Variants in GRIN2B observed in about 807,000 individuals in gnomAD.
The protein encoded by GRIN2B is glutamate receptor ionotropic, NMDA 2B.
GRIN2B carries 5 observed loss-of-function variants against 114.5 expected under a neutral mutation model. That is an observed-to-expected ratio of 0.04 (90% CI 0.02 to 0.09). The LOEUF (loss-of-function observed/expected upper bound fraction) is 0.09. Ranked by LOEUF, GRIN2B falls within the 10% of genes least tolerant of loss-of-function variation. The pLI is 1.00. For synonymous variants in GRIN2B, 787 were observed against 745.1 expected, an observed-to-expected ratio of 1.06 and a Z score of -0.92; for missense variants, 1,108 against 1,943.5, an observed-to-expected ratio of 0.57 and a Z score of 8.08.
intron 2 of GRIN2B, among the ~76,000 whole-genome samples, chr12:13,967,079 A>C (rs1393040231): frequency 6.6e-6 from 1 of 152,224 alleles, no homozygotes; most frequent in Non-Finnish European, 1.5e-5. Context: ...ACAAGTGCTG[A>C]AAATACAACT....
chr12:13,667,913 A>T (rs541128387), intron 5 of GRIN2B, among the ~76,000 whole-genome samples: 37 of 152,318 alleles, frequency 2.4e-4, no homozygotes, highest in African/African-American at 8.9e-4. Flanking sequence ...TAAGAAAATC[A>T]TAAATGTTGT....
rs199515698 is a variant in GRIN2B at position 13,562,054 on chromosome 12, C to T, written c.*729G>A. The stretch of plus-strand genomic sequence containing the variant: ...GCAAGTGTGCATGAACACACATGCA[C>T]GCACAATCCACCTGCTCTTGTCCCC... On this transcript the variant is annotated 3_prime_UTR_variant, in exon 14 of 14. Coordinates refer to ENST00000609686, the MANE Select transcript of GRIN2B (RefSeq NM_000834.5). The T allele has an allele frequency of 8.5e-5, 13 of 152,912 alleles. No individual in the cohort carries two copies. The highest frequency in any genetic ancestry group is 2.1e-4 in the South Asian group (1 of 4,826). 9.5% of individuals were successfully genotyped at this position (152,912 alleles called of 1,614,324 possible).
chr12:13,906,789 T>C (rs1866542627), intron 2 of GRIN2B, among the ~76,000 whole-genome samples: 1 of 152,222 alleles, frequency 6.6e-6, no homozygotes, highest in African/African-American at 2.4e-5. Flanking sequence ...CATTAATGAA[T>C]AGGATTAATT....
chr12:13,634,528 A>T (rs1949649055), intron 5 of GRIN2B, among the ~76,000 whole-genome samples: 1 of 152,146 alleles, frequency 6.6e-6, no homozygotes, highest in Non-Finnish European at 1.5e-5. Context: ...GCGAGAGACA[A>T]AAGGAGCGTA....
chr12:13,586,549 C>G (rs546587615), intron 10 of GRIN2B, among the ~76,000 whole-genome samples: 2 of 152,150 alleles, frequency 1.3e-5, no homozygotes, highest in Non-Finnish European at 2.9e-5. Flanking sequence ...CTGTCTCACA[C>G]AGGAGCCGAG....
At chr12:13,583,116 T>C (rs1948874315) in intron 10 of GRIN2B, among the ~76,000 whole-genome samples, 1 of 152,188 alleles carries the variant, frequency 6.6e-6, no homozygotes, top group Non-Finnish European at 1.5e-5. Context: ...GTCTTGTGTC[T>C]GGCCATAAAA....
intron 10 of GRIN2B, among the ~76,000 whole-genome samples, chr12:13,576,238 G>GAAGA (rs1431050923): frequency 6.6e-6 from 1 of 152,192 alleles, no homozygotes; most frequent in African/African-American, 2.4e-5. Context: ...GGCCCGTGGG[G>GAAGA]AAGAAGGAAA....
intron 3 of GRIN2B, among the ~76,000 whole-genome samples, chr12:13,835,739 A>G (rs1364030806): frequency 6.7e-6 from 1 of 148,750 alleles, no homozygotes; most frequent in African/African-American, 2.5e-5. Context: ...AAAGAGGCAC[A>G]GGAGTTGTAT....
chr12:13,950,304 C>A lies in GRIN2B; in HGVS notation c.-19+29624G>T, dbSNP rs540999332. Among the ~76,000 whole-genome samples the A allele has an allele frequency of 5.1e-4, 77 of 152,304 alleles. No individual in the cohort carries two copies. In the South Asian group the frequency reaches 0.015, roughly 30 times the overall value. On this transcript the variant is annotated intron_variant, in intron 2 of 13. Transcript: ENST00000609686. ...GTGTTTACTGAGACCCCAGCCCAGG[C>A]TCAGCCCCAAAGGACTGTAGCATTG...
In GRIN2B at chr12:13,553,659, G is replaced by A. The variant is rs1565447599; in HGVS notation, c.*9124C>T. The A allele has an allele frequency of 1.3e-5, 2 of 152,140 alleles. No homozygotes were observed. The highest frequency in any genetic ancestry group is 2.4e-5 in the African/African-American group (1 of 41,420). The allele number at this position is 152,140 out of a possible 1,614,324, so 9.4% of individuals were successfully genotyped here. ...GCCAGAACTGTGACAAGGTTCTTTT[G>A]GTGCTGAAAGTGTTAAAAAAGAAGC... On this transcript the variant is annotated 3_prime_UTR_variant, in exon 14 of 14. Transcript: ENST00000609686.
intron 4 of GRIN2B, among the ~76,000 whole-genome samples, chr12:13,720,153 A>C (rs1049375113): frequency 6.6e-6 from 1 of 152,002 alleles, no homozygotes; most frequent in Non-Finnish European, 1.5e-5. Context: ...CTAATTAAAA[A>C]ATAAGCTTCT....
chr12:13,778,202 T>C (rs1339509463), intron 3 of GRIN2B, among the ~76,000 whole-genome samples: 1 of 152,240 alleles, frequency 6.6e-6, no homozygotes, highest in Non-Finnish European at 1.5e-5. Context: ...CTTATTTTTA[T>C]CTTATTCATG....
chr12:13,739,369 C>T (rs1300214094), intron 4 of GRIN2B, among the ~76,000 whole-genome samples: 33 of 92,892 alleles, frequency 3.6e-4, no homozygotes, highest in South Asian at 8.2e-4. Context: ...AGTGAAACTC[C>T]GTCTCAAAAA....
chr12:13,929,902 T>A (rs917058427), intron 2 of GRIN2B, among the ~76,000 whole-genome samples: 1 of 152,164 alleles, frequency 6.6e-6, no homozygotes, highest in Non-Finnish European at 1.5e-5. Context: ...TAAATAATTA[T>A]TGGCTGGGCG....
chr12:13,846,653 A>T (rs140240925), intron 3 of GRIN2B, among the ~76,000 whole-genome samples: 37 of 152,366 alleles, frequency 2.4e-4, no homozygotes, highest in African/African-American at 8.2e-4. Context: ...TTATAAATAA[A>T]TAAGAATTGC....
In GRIN2B at chr12:13,768,958, C is replaced by T. The variant is rs537289003; in HGVS notation, c.412-15043G>A. ...CTGAGGCAGGAGAATGGTGTGAACC[C>T]GGGAGGTGGAGCTTGCAGTGAGCCG... On this transcript the variant is annotated intron_variant, in intron 3 of 13. Coordinates refer to ENST00000609686, the MANE Select transcript of GRIN2B (RefSeq NM_000834.5). Among the ~76,000 whole-genome samples, 6 of 152,110 alleles carry T rather than the reference C, an allele frequency of 3.9e-5. No homozygotes were observed. In the South Asian group the frequency reaches 6.2e-4, roughly 16 times the overall value.
At chr12:13,870,130 G>A (rs1411407747) in intron 2 of GRIN2B, among the ~76,000 whole-genome samples, 1 of 152,158 alleles carries the variant, frequency 6.6e-6, no homozygotes, top group East Asian at 1.9e-4. Context: ...TGGGGCAAAA[G>A]ATGTTAGTTC....
intron 2 of GRIN2B, among the ~76,000 whole-genome samples, chr12:13,964,202 C>T (rs219936): frequency 0.74 from 112,233 of 152,042 alleles, 41,616 homozygotes; most frequent in Non-Finnish European, 0.76. Flanking sequence ...TATCCCTGGG[C>T]GGTCACGTTG....
At chr12:13,782,001 C>A (rs983473181) in intron 3 of GRIN2B, among the ~76,000 whole-genome samples, 6 of 152,240 alleles carry the variant, frequency 3.9e-5, no homozygotes, top group African/African-American at 1.4e-4. Flanking sequence ...ACACATAGCC[C>A]CATCACAGAG....
Sources: gnomAD v4.1 joint callset for allele counts (sites outside exome capture counted in the v4.1 genomes callset) on GRCh38, gnomAD v4.1.1 for gene constraint, MANE v1.5 for transcripts, NCBI Gene and HGNC (gene_info 2026-07-23, HGNC 2026-07-21) for gene names.